The following C1orf21 variants were observed in gnomAD, a reference collection of about 807,000 sequenced individuals.
The protein encoded by C1orf21 is chromosome 1 open reading frame 21.
A neutral mutation model predicts 18.7 loss-of-function variants in C1orf21; 3 were observed. The ratio of observed to expected loss-of-function variants is 0.16; its 90% CI spans 0.07 to 0.42. C1orf21 has a LOEUF of 0.42. Among genes scored for constraint, C1orf21 ranks in the 10% least tolerant of loss-of-function variants. The pLI is 0.99. For missense variants in C1orf21, 104 were observed against 143.6 expected, an observed-to-expected ratio of 0.72 and a Z score of 1.41; for synonymous variants, 41 against 46.4, an observed-to-expected ratio of 0.88 and a Z score of 0.47.
At chr1:184,533,961 A>G (rs1344090491) in intron 3 of C1orf21, among the ~76,000 whole-genome samples, 2 of 152,216 alleles carry the variant, frequency 1.3e-5, no homozygotes, top group Non-Finnish European at 2.9e-5. Context: ...GGCAGAGTAA[A>G]GTCATGTGAA....
rs1275593377 is a variant in C1orf21, at chr1:184,621,020, T to C, written c.*1464T>C. The C allele has an allele frequency of 6.6e-6, 1 of 152,614 alleles. No homozygotes were observed. The highest frequency in any genetic ancestry group is 1.5e-5 in the Non-Finnish European group (1 of 68,042). 9.5% of individuals were successfully genotyped at this position (152,614 alleles called of 1,614,324 possible). On this transcript the variant is annotated 3_prime_UTR_variant, in exon 6 of 6. Transcript: ENST00000235307. ...CAGGAGCACTGTATGTTCCTCTCTT[T>C]TGGAGTTGTGACTTTGAAGGGCCTC...
At chr1:184,547,582 G>A (rs1425829752) in intron 3 of C1orf21, among the ~76,000 whole-genome samples, 1 of 152,098 alleles carries the variant, frequency 6.6e-6, no homozygotes, top group East Asian at 1.9e-4. Flanking sequence ...CAGTGTACAC[G>A]TGTGCACGCA....
chr1:184,422,645 T>G (rs1656563359), intron 1 of C1orf21, among the ~76,000 whole-genome samples: 1 of 152,234 alleles, frequency 6.6e-6, no homozygotes, highest in African/African-American at 2.4e-5. Flanking sequence ...TGAAAAAATT[T>G]TCAGCACACT....
At chr1:184,432,221 A>G (rs1027855983) in intron 1 of C1orf21, among the ~76,000 whole-genome samples, 3 of 152,238 alleles carry the variant, frequency 2.0e-5, no homozygotes, top group African/African-American at 7.2e-5. Flanking sequence ...ACACATGCAC[A>G]TGTATGTTTA....
chr1:184,582,031 T>C (rs1337869937), intron 3 of C1orf21, among the ~76,000 whole-genome samples: 1 of 152,240 alleles, frequency 6.6e-6, no homozygotes, highest in Non-Finnish European at 1.5e-5. Context: ...TTGATACTGG[T>C]GGCTTGAGTT....
At chr1:184,402,342 G>A (rs1365001198) in intron 1 of C1orf21, among the ~76,000 whole-genome samples, 3 of 148,504 alleles carry the variant, frequency 2.0e-5, no homozygotes, top group Non-Finnish European at 4.4e-5. Context: ...TTTGCAACAT[G>A]GCTATCTGGC....
chr1:184,611,707 G>A (rs1659738285), intron 5 of C1orf21, among the ~76,000 whole-genome samples: 1 of 152,186 alleles, frequency 6.6e-6, no homozygotes, highest in Non-Finnish European at 1.5e-5. Flanking sequence ...CCAGAATGCA[G>A]GTGGGGCAAT....
At chr1:184,393,063 A>C (rs1557960571) in intron 1 of C1orf21, among the ~76,000 whole-genome samples, 1 of 151,958 alleles carries the variant, frequency 6.6e-6, no homozygotes, top group East Asian at 1.9e-4. Context: ...TCCTGAGCTC[A>C]AGCGATCCCC....
chr1:184,449,510 A>G (rs936129317), intron 1 of C1orf21, among the ~76,000 whole-genome samples: 2 of 152,154 alleles, frequency 1.3e-5, no homozygotes, highest in Non-Finnish European at 2.9e-5. Context: ...CAATAAACAT[A>G]TATGTGCATG....
intron 3 of C1orf21, among the ~76,000 whole-genome samples, chr1:184,530,600 C>CTT (rs1184327589): frequency 4.8e-4 from 54 of 111,462 alleles, no homozygotes; most frequent in African/African-American, 1.0e-3. Context: ...TTTCTTTTTT[C>CTT]TTTTTTTTTT....
intron 3 of C1orf21, among the ~76,000 whole-genome samples, chr1:184,527,399 T>C (rs569578632): frequency 2.0e-5 from 3 of 152,174 alleles, no homozygotes; most frequent in Non-Finnish European, 2.9e-5. Flanking sequence ...ACACACTGAC[T>C]TATAAGCACA....
intron 1 of C1orf21, among the ~76,000 whole-genome samples, chr1:184,436,190 C>T (rs1021988861): frequency 3.3e-5 from 5 of 151,986 alleles, no homozygotes; most frequent in Admixed American, 6.6e-5. Flanking sequence ...CAGCAGAAGG[C>T]GAGTTTGTGT....
chr1:184,558,890 A>ACTGGC (rs1374382170), intron 3 of C1orf21, among the ~76,000 whole-genome samples: 1 of 152,238 alleles, frequency 6.6e-6, no homozygotes, highest in Non-Finnish European at 1.5e-5. Flanking sequence ...AGTTGTTAAT[A>ACTGGC]CTGGCCCTGT....
chr1:184,397,051 G>A (rs1390218538), intron 1 of C1orf21, among the ~76,000 whole-genome samples: 1 of 152,128 alleles, frequency 6.6e-6, no homozygotes, highest in Non-Finnish European at 1.5e-5. Context: ...AAACTAAACA[G>A]TGAGTTCTAG....
intron 3 of C1orf21, among the ~76,000 whole-genome samples, chr1:184,573,989 G>A (rs1008986222): frequency 6.6e-6 from 1 of 152,138 alleles, no homozygotes; most frequent in Non-Finnish European, 1.5e-5. Flanking sequence ...GAGGTCAGGA[G>A]TTTGAGACCA....
intron 5 of C1orf21, among the ~76,000 whole-genome samples, chr1:184,611,251 T>C (rs763764597): frequency 5.9e-5 from 9 of 152,222 alleles, no homozygotes; most frequent in Non-Finnish European, 1.2e-4. Context: ...CTTCAGTATG[T>C]CTTTGGCATT....
chr1:184,618,752 C>T (rs989108539), intron 5 of C1orf21, among the ~76,000 whole-genome samples: 2 of 151,610 alleles, frequency 1.3e-5, no homozygotes, highest in Non-Finnish European at 2.9e-5. Flanking sequence ...TCTATGACAT[C>T]GGACACAGGC....
chr1:184,530,372 A>T (rs1034130487), intron 3 of C1orf21, among the ~76,000 whole-genome samples: 1 of 152,260 alleles, frequency 6.6e-6, no homozygotes, highest in African/African-American at 2.4e-5. Context: ...CTGCTGCATA[A>T]TAAGTGCTGC....
intron 3 of C1orf21, among the ~76,000 whole-genome samples, chr1:184,525,329 A>G (rs1262423737): frequency 2.0e-5 from 3 of 152,120 alleles, no homozygotes; most frequent in African/African-American, 7.2e-5. Flanking sequence ...TCTTCCTACT[A>G]TATTTCAGTG....
Sources: gnomAD v4.1 joint callset for allele counts (sites outside exome capture counted in the v4.1 genomes callset) on GRCh38, gnomAD v4.1.1 for gene constraint, MANE v1.5 for transcripts, NCBI Gene and HGNC (gene_info 2026-07-23, HGNC 2026-07-21) for gene names.